MCTP1: variants seen among roughly 807,000 people sequenced by gnomAD.
MCTP1 encodes the protein multiple C2 and transmembrane domain-containing protein 1.
Under a neutral mutation model 120.6 loss-of-function variants are expected in MCTP1, and 69 were observed. That is an observed-to-expected ratio of 0.57 (90% CI 0.47 to 0.70). MCTP1 has a LOEUF of 0.70. MCTP1 is among the 30% of genes least tolerant of loss of function. The probability of loss-of-function intolerance (pLI) is 0.00; values close to 1 mark genes in which losing one functional copy is unlikely to be tolerated. For missense variants in MCTP1, 1,203 were observed against 1,248.8 expected (o/e 0.96, Z 0.55); for synonymous variants, 529 against 493.1 (o/e 1.07, Z -0.96).
At chr5:94,818,011 G>A (rs1203412225) in intron 17 of MCTP1, among the ~76,000 whole-genome samples, 1 of 152,196 alleles carries the variant, frequency 6.6e-6, no homozygotes, top group Admixed American at 6.5e-5. Context: ...TCGGTTCAAG[G>A]ATGGGCAAAT....
At chr5:95,135,833 C>T (rs1283165583) in intron 1 of MCTP1, among the ~76,000 whole-genome samples, 1 of 152,164 alleles carries the variant, frequency 6.6e-6, no homozygotes, top group Non-Finnish European at 1.5e-5. Context: ...CTGACTAATG[C>T]AGTAAGCATA....
chr5:94,836,270 T>C lies in MCTP1; in HGVS notation c.2436+32063A>G, dbSNP rs1450194442. Among the ~76,000 whole-genome samples, 5 of 151,436 alleles carry C rather than the reference T, an allele frequency of 3.3e-5. No individual in the cohort carries two copies. In the East Asian group the frequency reaches 7.8e-4, roughly 24 times the overall value. On this transcript the variant is annotated intron_variant, in intron 17 of 22. Transcript: ENST00000515393. Reference sequence around the variant, plus strand: ...AAGTGAGTGAAAGGATAAACCCATCTGTAGGTCTGCACTGTGTCACTGAGA... The same window carrying C: ...AAGTGAGTGAAAGGATAAACCCATCCGTAGGTCTGCACTGTGTCACTGAGA...
At chr5:94,907,231 G>T (rs1462564245) in intron 10 of MCTP1, among the ~76,000 whole-genome samples, 1 of 152,174 alleles carries the variant, frequency 6.6e-6, no homozygotes, top group Non-Finnish European at 1.5e-5. Context: ...ATATCAAAAA[G>T]ATTTGAAATG....
chr5:94,765,377 G>C (rs1469203325), intron 19 of MCTP1, among the ~76,000 whole-genome samples: 1 of 152,060 alleles, frequency 6.6e-6, no homozygotes, highest in African/African-American at 2.4e-5. Context: ...ATTAGTAGAA[G>C]GAAAGAAGTA....
intron 1 of MCTP1, among the ~76,000 whole-genome samples, chr5:95,156,851 G>A (rs1745181936): frequency 6.6e-6 from 1 of 152,140 alleles, no homozygotes; most frequent in South Asian, 2.1e-4. Context: ...AAATATTTCA[G>A]CAAACAGACT....
intron 2 of MCTP1, among the ~76,000 whole-genome samples, chr5:95,007,887 TCA>T (rs1263305268): frequency 1.3e-5 from 2 of 152,206 alleles, no homozygotes; most frequent in African/African-American, 4.8e-5. Context: ...TTGAAGAGTT[TCA>T]GAGTGGAGTG....
At chr5:94,819,371 T>A (rs1480363261) in intron 17 of MCTP1, among the ~76,000 whole-genome samples, 2 of 152,104 alleles carry the variant, frequency 1.3e-5, no homozygotes, top group East Asian at 3.9e-4. Context: ...CCTCAGGTGA[T>A]CCGATTGCCT....
chr5:95,024,108 TC>T, intron 1 of MCTP1: 1 of 444,508 alleles, frequency 2.2e-6, no homozygotes, highest in Non-Finnish European at 4.5e-6. Flanking sequence ...TTTGATGCAA[TC>T]CCATTTGTCT....
intron 19 of MCTP1, chr5:94,739,336 T>C (rs1344721030): frequency 3.9e-5 from 6 of 152,190 alleles, no homozygotes; most frequent in Admixed American, 3.9e-4. Context: ...AAATCAACAT[T>C]TATTCATATG....
At chr5:94,938,702 C>A (rs1256413203) in intron 5 of MCTP1, among the ~76,000 whole-genome samples, 1 of 151,968 alleles carries the variant, frequency 6.6e-6, no homozygotes, top group East Asian at 1.9e-4. Context: ...GGCACAGGAA[C>A]TGGCTTAAAG....
intron 1 of MCTP1, among the ~76,000 whole-genome samples, chr5:95,272,278 T>C (rs1759469998): frequency 1.3e-5 from 2 of 152,292 alleles, no homozygotes; most frequent in South Asian, 2.1e-4. Flanking sequence ...AAGCTACTAA[T>C]AAAAAAATTG....
At chr5:95,166,568 ATTTT>A (rs34176318) in intron 1 of MCTP1, among the ~76,000 whole-genome samples, 7 of 125,120 alleles carry the variant, frequency 5.6e-5, no homozygotes, top group Non-Finnish European at 6.5e-5. Context: ...AATTTTAATC[ATTTT>A]TTTTTTTTTT....
At chr5:94,914,592 T>C (rs1359458526) in intron 8 of MCTP1, among the ~76,000 whole-genome samples, 2 of 152,228 alleles carry the variant, frequency 1.3e-5, no homozygotes, top group African/African-American at 4.8e-5. Context: ...CTGGTGGCTC[T>C]GCCCTATGAA....
chr5:95,214,886 G>T, intron 1 of MCTP1, among the ~76,000 whole-genome samples: 1 of 120,076 alleles, frequency 8.3e-6, no homozygotes, highest in African/African-American at 3.2e-5. Context: ...GAGGGGGGAG[G>T]GATAGCATTA....
chr5:95,179,768 A>G (rs1227253525), intron 1 of MCTP1, among the ~76,000 whole-genome samples: 3 of 152,164 alleles, frequency 2.0e-5, no homozygotes, highest in Non-Finnish European at 4.4e-5. Context: ...CAATAACACA[A>G]TGAAAAAATA....
At chr5:95,197,578 A>C (rs911170197) in intron 1 of MCTP1, among the ~76,000 whole-genome samples, 1 of 152,212 alleles carries the variant, frequency 6.6e-6, no homozygotes, top group African/African-American at 2.4e-5. Context: ...AATGAAAAAA[A>C]ATCAAATTGC....
At chr5:94,719,924 G>A (rs1426064034) in intron 19 of MCTP1, among the ~76,000 whole-genome samples, 2 of 152,142 alleles carry the variant, frequency 1.3e-5, no homozygotes, top group Non-Finnish European at 2.9e-5. Context: ...GGGGTCAGGT[G>A]TTCGAGACCA....
chr5:94,825,352 G>T (rs1786741060), intron 17 of MCTP1, among the ~76,000 whole-genome samples: 1 of 152,170 alleles, frequency 6.6e-6, no homozygotes, highest in Non-Finnish European at 1.5e-5. Flanking sequence ...TGCAGTTTTT[G>T]AATGAGTTTC....
At chr5:95,243,301 A>C (rs1756378165) in intron 1 of MCTP1, among the ~76,000 whole-genome samples, 1 of 152,252 alleles carries the variant, frequency 6.6e-6, no homozygotes, top group Non-Finnish European at 1.5e-5. Context: ...CTGTGGTTTT[A>C]GAAAGAAGGA....
Sources: allele counts gnomAD v4.1 joint callset (sites outside exome capture counted in the v4.1 genomes callset), GRCh38; gene constraint gnomAD v4.1.1; transcripts MANE v1.5; gene names NCBI Gene and HGNC (gene_info 2026-07-23, HGNC 2026-07-21).